Variants in PSMA1 observed in about 807,000 individuals in gnomAD.
PSMA1 encodes proteasome 20S subunit alpha 1, also known as proteasome subunit alpha type-1.
A neutral mutation model predicts 38.4 loss-of-function variants in PSMA1; 3 were observed. The ratio of observed to expected loss-of-function variants is 0.08; its 90% CI spans 0.04 to 0.20. The LOEUF is 0.20. PSMA1 is among the 10% of genes least tolerant of loss of function. The pLI, the probability that PSMA1 is intolerant of heterozygous loss-of-function variation, is 1.00. For missense variants in PSMA1, 227 were observed against 325.3 expected (o/e 0.70, Z 2.32); for synonymous variants, 101 against 107.1 (o/e 0.94, Z 0.35).
Position 14,634,717 on chromosome 11 carries a change from A to C in PSMA1, c.-166+8738T>G, listed in dbSNP as rs138579696. ...TTTAGGGGCTGGTAGTATACAAGAA[A>C]ATTTGAAACAGAATTTTGACAAATG... On this transcript the variant is annotated intron_variant, in intron 1 of 10. Coordinates refer to the PSMA1 transcript ENST00000418988. 3.4e-3 allele frequency among the ~76,000 whole-genome samples: 523 copies of C among 152,320 alleles called. 6 individuals carry two copies. Among genetic ancestry groups the C allele is most frequent in the African/African-American group, 0.012 (486 of 41,568 alleles).
At chr11:14,580,798 G>A (rs745635963) in intron 2 of PSMA1, among the ~76,000 whole-genome samples, 2 of 152,160 alleles carry the variant, frequency 1.3e-5, no homozygotes, top group East Asian at 1.9e-4. Flanking sequence ...CAAGAAGAGG[G>A]AATTGTAGGA....
At chr11:14,639,507 A>G (rs564939827) in intron 1 of PSMA1, among the ~76,000 whole-genome samples, 3 of 152,364 alleles carry the variant, frequency 2.0e-5, no homozygotes, top group Admixed American at 1.3e-4. Flanking sequence ...TGCTATAGGC[A>G]TGAAGATTGA....
intron 1 of PSMA1, among the ~76,000 whole-genome samples, chr11:14,613,758 A>G (rs1852736745): frequency 1.3e-5 from 2 of 152,216 alleles, no homozygotes; most frequent in South Asian, 4.1e-4. Flanking sequence ...CTTTTTAAGT[A>G]AGGTGGTTGA....
chr11:14,555,503 AG>A (rs1851933271), intron 2 of PSMA1, among the ~76,000 whole-genome samples: 1 of 152,232 alleles, frequency 6.6e-6, no homozygotes, highest in South Asian at 2.1e-4. Context: ...TAGCATAAAA[AG>A]TCAAATCCAA....
intron 1 of PSMA1, among the ~76,000 whole-genome samples, chr11:14,631,314 T>C (rs1229927389): frequency 2.0e-5 from 3 of 152,210 alleles, no homozygotes. Flanking sequence ...GTGCAATAAA[T>C]TTCCCTCTAC....
At chr11:14,561,187 G>A (rs1055262379) in intron 2 of PSMA1, among the ~76,000 whole-genome samples, 2 of 152,204 alleles carry the variant, frequency 1.3e-5, no homozygotes, top group African/African-American at 4.8e-5. Flanking sequence ...TTGGGAATAT[G>A]TCACATTATG....
chr11:14,632,046 G>C (rs1472972655), intron 1 of PSMA1, among the ~76,000 whole-genome samples: 127 of 138,132 alleles, frequency 9.2e-4, no homozygotes, highest in Middle Eastern at 7.0e-3. Context: ...CTTTTATTTT[G>C]AGCCTATGTG....
intron 2 of PSMA1, chr11:14,610,877 T>A: frequency 7.5e-7 from 1 of 1,332,852 alleles, no homozygotes; most frequent in Non-Finnish European, 1.1e-6. Flanking sequence ...TCTCACATGC[T>A]CCTCTAGGTT....
At chr11:14,629,841 C>T (rs1486754436) in intron 1 of PSMA1, among the ~76,000 whole-genome samples, 2 of 151,956 alleles carry the variant, frequency 1.3e-5, no homozygotes, top group African/African-American at 2.4e-5. Flanking sequence ...TCTTTTATTT[C>T]CTTGAGCAGT....
intron 5 of PSMA1, 83 bp downstream of exon 5, chr11:14,514,320 T>A (rs1473750326): frequency 6.9e-7 from 1 of 1,443,516 alleles, no homozygotes; most frequent in East Asian, 2.7e-5. Flanking sequence ...CTATGTCATA[T>A]TATTATTATA....
At chr11:14,587,740 G>A (rs748623066) in intron 2 of PSMA1, among the ~76,000 whole-genome samples, 4 of 151,678 alleles carry the variant, frequency 2.6e-5, no homozygotes, top group Non-Finnish European at 4.4e-5. Context: ...CTTAAACTAG[G>A]GGTTATAACA....
intron 1 of PSMA1, among the ~76,000 whole-genome samples, chr11:14,615,722 G>A (rs1852764068): frequency 6.6e-6 from 1 of 152,058 alleles, no homozygotes; most frequent in Non-Finnish European, 1.5e-5. Flanking sequence ...GTCCTGACTG[G>A]TCCACTTCTG....
intron 2 of PSMA1, among the ~76,000 whole-genome samples, chr11:14,604,217 G>A (rs1360955688): frequency 3.3e-5 from 5 of 152,146 alleles, no homozygotes; most frequent in African/African-American, 1.2e-4. Flanking sequence ...ATGCCACCAC[G>A]CCCGGCTAAT....
At chr11:14,601,922 G>A (rs892891000) in intron 2 of PSMA1, among the ~76,000 whole-genome samples, 2 of 152,152 alleles carry the variant, frequency 1.3e-5, no homozygotes, top group African/African-American at 4.8e-5. Context: ...AAAAAGGTAA[G>A]GATATCAATG....
intron 2 of PSMA1, among the ~76,000 whole-genome samples, chr11:14,588,462 G>C (rs1852374873): frequency 6.6e-6 from 1 of 152,112 alleles, no homozygotes; most frequent in Admixed American, 6.5e-5. Flanking sequence ...TTTTTGAGAA[G>C]GGGAGTGATT....
At position 14,520,307 on chromosome 11, in the gene PSMA1, G is replaced by C. The variant is rs1442771210; in HGVS notation, c.-8C>G. 6.2e-7 allele frequency: 1 copy of C among 1,614,210 alleles called. No individual in the cohort carries two copies. The highest frequency in any genetic ancestry group is 8.5e-7 in the Non-Finnish European group (1 of 1,180,004). The stretch of plus-strand genomic sequence containing the variant: ...CGGGATTCAACGTACCATGGTGGCG[G>C]CGCGGGCCTGGTTGCGGCCTCCAGC... On this transcript the variant is annotated 5_prime_UTR_variant, in exon 1 of 10. Transcript: ENST00000396394.
upstream of PSMA1, among the ~76,000 whole-genome samples, chr11:14,523,577 G>A (rs2134155009): frequency 6.8e-6 from 1 of 147,142 alleles, no homozygotes; most frequent in East Asian, 2.0e-4. Flanking sequence ...CAGCTCCTCA[G>A]CTCTCAGGAT....
upstream of PSMA1, among the ~76,000 whole-genome samples, chr11:14,523,636 G>T (rs934650704): frequency 1.3e-5 from 2 of 148,690 alleles, no homozygotes; most frequent in Non-Finnish European, 3.0e-5. Flanking sequence ...TGTTGCCCAG[G>T]CTGGAGTGCA....
intron 2 of PSMA1, among the ~76,000 whole-genome samples, chr11:14,563,176 T>C (rs1852029336): frequency 6.6e-6 from 1 of 152,240 alleles, no homozygotes; most frequent in Non-Finnish European, 1.5e-5. Context: ...TGGCTATTGA[T>C]TGTAACAACT....
Sources: gnomAD v4.1 joint callset for allele counts (sites outside exome capture counted in the v4.1 genomes callset) on GRCh38, gnomAD v4.1.1 for gene constraint, MANE v1.5 for transcripts, NCBI Gene and HGNC (gene_info 2026-07-23, HGNC 2026-07-21) for gene names.